MICU1: variants seen among roughly 807,000 people sequenced by gnomAD.
MICU1 encodes mitochondrial calcium uptake 1.
In MICU1, 45 loss-of-function variants were observed where a neutral mutation model predicts 56.8. The ratio of observed to expected loss-of-function variants is 0.79; its 90% CI spans 0.62 to 1.02. The LOEUF is 1.02. MICU1 is among the 50% of genes least tolerant of loss of function. The pLI, the probability that MICU1 is intolerant of heterozygous loss-of-function variation, is 0.00. For synonymous variants in MICU1, 186 were observed against 195.1 expected (o/e 0.95, Z 0.39); for missense variants, 504 against 587.1 (o/e 0.86, Z 1.46).
chr10:72,567,726 C>T (rs1260748334), intron 1 of MICU1, among the ~76,000 whole-genome samples: 1 of 152,132 alleles, frequency 6.6e-6, no homozygotes, highest in Non-Finnish European at 1.5e-5. Flanking sequence ...GCTAAAACTC[C>T]TTAGGAGCTG....
chr10:72,528,010 G>C (rs1868014183), intron 5 of MICU1, among the ~76,000 whole-genome samples: 2 of 152,086 alleles, frequency 1.3e-5, no homozygotes, highest in Admixed American at 1.3e-4. Context: ...ATTTTTAGTG[G>C]AGATGGGGTT....
At chr10:72,532,349 T>C (rs1267663771) in intron 5 of MICU1, among the ~76,000 whole-genome samples, 15 of 152,048 alleles carry the variant, frequency 9.9e-5, no homozygotes. Context: ...TAAAATGAAT[T>C]TGCTATAAGT....
rs1262450731 is a variant in MICU1 at position 72,385,481 on chromosome 10, C to T, written c.1181-9609G>A. ...CTCTAGCCTAGGTGACAGAGCAAGA[C>T]TGTCTCAAAAAAAACCAACCAAACA... On this transcript the variant is annotated intron_variant, in intron 10 of 11. Transcript: ENST00000361114. Among the ~76,000 whole-genome samples, 3 of 152,136 alleles carry T rather than the reference C, an allele frequency of 2.0e-5. No individual in the cohort carries two copies. The East Asian group carries it at 5.8e-4, about 29-fold the overall frequency.
intron 1 of MICU1, among the ~76,000 whole-genome samples, chr10:72,567,377 A>G (rs748565582): frequency 2.6e-5 from 4 of 152,224 alleles, no homozygotes; most frequent in Non-Finnish European, 5.9e-5. Context: ...CAGGAAATTT[A>G]CTACTCAGAA....
intron 8 of MICU1, among the ~76,000 whole-genome samples, chr10:72,462,015 A>G (rs1251558001): frequency 6.6e-6 from 1 of 152,092 alleles, no homozygotes; most frequent in Non-Finnish European, 1.5e-5. Context: ...TCTCAGCTCC[A>G]CCTTTATCAT....
chr10:72,372,905 G>A (rs1454119006), intron 11 of MICU1, among the ~76,000 whole-genome samples: 1 of 146,234 alleles, frequency 6.8e-6, no homozygotes, highest in Middle Eastern at 3.2e-3. Flanking sequence ...GGCAACAAGA[G>A]TGAGCCTCAA....
chr10:72,477,102 G>C (rs1297806523), intron 7 of MICU1, 72 bp downstream of exon 7: 2 of 1,176,150 alleles, frequency 1.7e-6, no homozygotes, highest in Non-Finnish European at 2.4e-6. Context: ...CCAAGGCTAA[G>C]GTAACTCCAA....
At chr10:72,531,153 T>C (rs1839470105) in intron 5 of MICU1, among the ~76,000 whole-genome samples, 1 of 152,134 alleles carries the variant, frequency 6.6e-6, no homozygotes, top group Non-Finnish European at 1.5e-5. Context: ...TAAATAATTC[T>C]TTCTCTAAGA....
chr10:72,501,995 T>C (rs1452634994), intron 6 of MICU1, among the ~76,000 whole-genome samples: 1 of 152,216 alleles, frequency 6.6e-6, no homozygotes, highest in East Asian at 1.9e-4. Context: ...TGATTTCCTA[T>C]ATGTAGTTGT....
At chr10:72,602,844 A>G (rs1841576555) in intron 1 of MICU1, among the ~76,000 whole-genome samples, 1 of 152,264 alleles carries the variant, frequency 6.6e-6, no homozygotes, top group Non-Finnish European at 1.5e-5. Flanking sequence ...GCGGTGGCTC[A>G]CACCTGTAAT....
chr10:72,447,840 G>A (rs1478106054), intron 8 of MICU1, among the ~76,000 whole-genome samples: 2 of 152,114 alleles, frequency 1.3e-5, no homozygotes, highest in Non-Finnish European at 2.9e-5. Flanking sequence ...GGTTATATCT[G>A]CTTTTACCTG....
At chr10:72,463,811 C>T (rs1306361267) in intron 8 of MICU1, among the ~76,000 whole-genome samples, 1 of 152,150 alleles carries the variant, frequency 6.6e-6, no homozygotes, top group African/African-American at 2.4e-5. Context: ...TTAGACCACA[C>T]GCATCATCAT....
chr10:72,401,933 T>G (rs1478510828), intron 10 of MICU1, among the ~76,000 whole-genome samples: 1 of 152,134 alleles, frequency 6.6e-6, no homozygotes. Flanking sequence ...TCAACTCCAC[T>G]TAGATTCCAT....
At chr10:72,458,290 TATG>T (rs1174768878) in intron 8 of MICU1, among the ~76,000 whole-genome samples, 1 of 152,200 alleles carries the variant, frequency 6.6e-6, no homozygotes, top group Non-Finnish European at 1.5e-5. Context: ...ATTAATGTTA[TATG>T]ATGTCCAATA....
In MICU1 at chr10:72,474,441, C is replaced by T. The variant is rs115523839; in HGVS notation, c.933+659G>A. ...GGAACAGAATAAATAGCTAGAATAG[C>T]ATGATGGTCTAAACTTTAAATGGAA... On this transcript the variant is annotated intron_variant, in intron 8 of 11. Transcript: ENST00000361114. 5.2e-3 allele frequency among the ~76,000 whole-genome samples: 790 copies of T among 152,150 alleles called. 4 individuals carry two copies. Among genetic ancestry groups the T allele is most frequent in the African/African-American group, 0.018 (751 of 41,508 alleles).
At chr10:72,428,368 T>C (rs36077116) in intron 8 of MICU1, among the ~76,000 whole-genome samples, 87,658 of 152,098 alleles carry the variant, frequency 0.58, 26,437 homozygotes, top group Non-Finnish European at 0.67. Context: ...CAGGATGGAG[T>C]GCAATGGCGC....
At chr10:72,400,492 T>TCCCA (rs1237540762) in intron 10 of MICU1, among the ~76,000 whole-genome samples, 2 of 152,132 alleles carry the variant, frequency 1.3e-5, no homozygotes, top group Admixed American at 6.5e-5. Flanking sequence ...ATGACTGTAA[T>TCCCA]CCCAGCACTT....
chr10:72,385,255 C>T (rs1020994430), intron 10 of MICU1, among the ~76,000 whole-genome samples: 32 of 152,024 alleles, frequency 2.1e-4, no homozygotes, highest in African/African-American at 4.3e-4. Context: ...TTTGGGAGGC[C>T]GAGCTGGGCA....
At chr10:72,556,169 A>G (rs563814714) in intron 3 of MICU1, among the ~76,000 whole-genome samples, 1 of 152,294 alleles carries the variant, frequency 6.6e-6, no homozygotes, top group African/African-American at 2.4e-5. Context: ...TCCATTTTCG[A>G]GACTCCCTCT....
Sources: allele counts gnomAD v4.1 joint callset (sites outside exome capture counted in the v4.1 genomes callset), GRCh38; gene constraint gnomAD v4.1.1; transcripts MANE v1.5; gene names NCBI Gene and HGNC (gene_info 2026-07-23, HGNC 2026-07-21).